The following SSH2 variants were observed in gnomAD, a reference collection of about 807,000 sequenced individuals.
The protein encoded by SSH2 is slingshot protein phosphatase 2, also known as protein phosphatase Slingshot homolog 2.
SSH2 carries 37 observed loss-of-function variants against 135.2 expected under a neutral mutation model. That is an observed-to-expected ratio of 0.27 (90% CI 0.21 to 0.36). The LOEUF is 0.36. Among genes scored for constraint, SSH2 ranks in the 10% least tolerant of loss-of-function variants. The pLI is 1.00. For synonymous variants in SSH2, 628 were observed against 646.2 expected (o/e 0.97, Z 0.43); for missense variants, 1,408 against 1,765.3 (o/e 0.80, Z 3.63).
intron 13 of SSH2, among the ~76,000 whole-genome samples, chr17:29,648,926 G>C (rs749553528): frequency 5.3e-5 from 8 of 152,196 alleles, no homozygotes; most frequent in Non-Finnish European, 1.0e-4. Context: ...GGATCACGAG[G>C]TCAGGAGTTC....
intron 4 of SSH2, among the ~76,000 whole-genome samples, chr17:29,701,161 C>A (rs1163351910): frequency 6.6e-6 from 1 of 152,032 alleles, no homozygotes; most frequent in African/African-American, 2.4e-5. Flanking sequence ...TTAGTAGAGA[C>A]GGAGTTTCAC....
intron 14 of SSH2, among the ~76,000 whole-genome samples, chr17:29,646,259 C>T (rs1484114104): frequency 1.3e-5 from 2 of 152,100 alleles, no homozygotes; most frequent in Admixed American, 6.6e-5. Context: ...ATTTTATAAC[C>T]AATTACCAAA....
At position 29,741,831 on chromosome 17, in the gene SSH2, G is replaced by A. The variant is rs900108536; in HGVS notation, c.189-38769C>T. Among the ~76,000 whole-genome samples, 3 of 151,784 alleles carry A rather than the reference G, an allele frequency of 2.0e-5. No individual in the cohort carries two copies. The South Asian group carries it at 6.2e-4, about 32-fold the overall frequency. ...GGGTTTCACCATGTTGGCCAGGCTG[G>A]TGTTGAATTCCTGACCTCGTGATCT... On this transcript the variant is annotated intron_variant, in intron 3 of 15. Transcript: ENST00000540801.
At chr17:29,662,522 T>C (rs768421333) in intron 11 of SSH2, among the ~76,000 whole-genome samples, 1 of 152,228 alleles carries the variant, frequency 6.6e-6, no homozygotes, top group African/African-American at 2.4e-5. Context: ...ATTTATCACA[T>C]TCAGGGACAA....
At chr17:29,856,898 TACATAACATAAAAAATA>T (rs901705197) in intron 1 of SSH2, among the ~76,000 whole-genome samples, 4 of 152,200 alleles carry the variant, frequency 2.6e-5, no homozygotes, top group Non-Finnish European at 5.9e-5. Flanking sequence ...TTTTAAAAAC[TACATAACATAAAAAATA>T]ACATAACATA....
chr17:29,746,749 G>C (rs2040778238), intron 3 of SSH2, among the ~76,000 whole-genome samples: 1 of 151,876 alleles, frequency 6.6e-6, no homozygotes, highest in Non-Finnish European at 1.5e-5. Flanking sequence ...TAAAATCAGA[G>C]GAAAAAAACT....
intron 2 of SSH2, among the ~76,000 whole-genome samples, chr17:29,837,207 A>T (rs1326115488): frequency 6.6e-6 from 1 of 151,920 alleles, no homozygotes; most frequent in Admixed American, 6.6e-5. Context: ...CAGTGAGCCA[A>T]GATCATGCCA....
At position 29,804,378 on chromosome 17, in the gene SSH2, G is replaced by A. The variant is rs141446555; in HGVS notation, c.145-10441C>T. Among the ~76,000 whole-genome samples the A allele has an allele frequency of 7.4e-3, 1,134 of 152,224 alleles. 11 individuals carry two copies. Among genetic ancestry groups the A allele is most frequent in the African/African-American group, 0.022 (929 of 41,522 alleles). On this transcript the variant is annotated intron_variant, in intron 2 of 15. Transcript: ENST00000540801. ...TCAGGATGGTCAGCAACAAGAAAGC[G>A]AGCTTGATTAGAATTTTGCTGAAAT...
At chr17:29,844,245 T>C (rs980836313) in intron 2 of SSH2, among the ~76,000 whole-genome samples, 2 of 152,192 alleles carry the variant, frequency 1.3e-5, no homozygotes, top group Non-Finnish European at 2.9e-5. Flanking sequence ...TATATGACCT[T>C]CTGCCTGTTT....
chr17:29,763,945 G>T (rs1157690248), intron 3 of SSH2, among the ~76,000 whole-genome samples: 2 of 128,886 alleles, frequency 1.6e-5, no homozygotes, highest in Admixed American at 8.0e-5. Flanking sequence ...CATGTCTCCT[G>T]CTTTTTTTTT....
At chr17:29,754,323 G>A (rs1394122436) in intron 3 of SSH2, among the ~76,000 whole-genome samples, 2 of 152,162 alleles carry the variant, frequency 1.3e-5, no homozygotes, top group Admixed American at 6.5e-5. Context: ...ATAAGTTCAT[G>A]TGAAACCCCT....
At chr17:29,844,798 G>GGCCT (rs1244720509) in intron 2 of SSH2, among the ~76,000 whole-genome samples, 11 of 152,104 alleles carry the variant, frequency 7.2e-5, no homozygotes, top group African/African-American at 2.7e-4. Context: ...AAGGGGCAGG[G>GGCCT]GCCTCTCTGC....
intron 2 of SSH2, among the ~76,000 whole-genome samples, chr17:29,807,775 A>T (rs2042371739): frequency 6.7e-6 from 1 of 149,320 alleles, no homozygotes; most frequent in South Asian, 2.2e-4. Flanking sequence ...CCTATGAGGT[A>T]GCCAGGGAAG....
At chr17:29,649,628 C>T (rs1346276257) in intron 13 of SSH2, among the ~76,000 whole-genome samples, 5 of 152,074 alleles carry the variant, frequency 3.3e-5, no homozygotes. Context: ...TCGAGTGATC[C>T]TCCCGTCTCA....
chr17:29,769,616 T>C (rs1445735127), intron 3 of SSH2, among the ~76,000 whole-genome samples: 1 of 152,192 alleles, frequency 6.6e-6, no homozygotes, highest in East Asian at 1.9e-4. Context: ...TGAATGATGA[T>C]GGCATCACCA....
In SSH2 at chr17:29,636,822, G is replaced by A. The variant is rs775783816; in HGVS notation, c.1428-20C>T. 24 of 1,513,240 alleles carry A rather than the reference G, an allele frequency of 1.6e-5. No homozygotes were observed. The South Asian group carries it at 2.5e-4, about 16-fold the overall frequency. The allele number at this position is 1,513,240 out of a possible 1,614,324, so 93.7% of individuals were successfully genotyped here. A position where few individuals can be genotyped will look rare whatever the true frequency, so the allele number is the denominator to read the frequency against. On this transcript the variant is annotated intron_variant, in intron 14 of 15. Coordinates refer to ENST00000540801, the MANE Select transcript of SSH2 (RefSeq NM_001282129.2). ...TGTTTGCTGTGGAGGACATACACAG[G>A]AAGTATCTTAATCTGGTTTGTAAAG...
chr17:29,829,727 C>T (rs953752869), intron 2 of SSH2, among the ~76,000 whole-genome samples: 6 of 152,018 alleles, frequency 3.9e-5, no homozygotes, highest in African/African-American at 1.2e-4. Flanking sequence ...ATATAGAAGC[C>T]CATTCTCCAT....
intron 5 of SSH2, among the ~76,000 whole-genome samples, chr17:29,689,614 T>G (rs764624692): frequency 1.3e-5 from 2 of 152,182 alleles, no homozygotes; most frequent in Non-Finnish European, 2.9e-5. Flanking sequence ...AAATGTGGAA[T>G]CCTATTACAA....
intron 1 of SSH2, among the ~76,000 whole-genome samples, chr17:29,894,236 T>C (rs971552517): frequency 6.6e-6 from 1 of 152,152 alleles, no homozygotes; most frequent in Non-Finnish European, 1.5e-5. Flanking sequence ...GACATATTTA[T>C]GCAAAGGCTC....
Sources: allele counts gnomAD v4.1 joint callset (sites outside exome capture counted in the v4.1 genomes callset), GRCh38; gene constraint gnomAD v4.1.1; transcripts MANE v1.5; gene names NCBI Gene and HGNC (gene_info 2026-07-23, HGNC 2026-07-21).